Variants in ADK observed in about 807,000 individuals in gnomAD.
ADK encodes the protein N6,N6-dimethyladenosine kinase.
In ADK, 24 loss-of-function variants were observed where a neutral mutation model predicts 44.7. That is an observed-to-expected ratio of 0.54 (90% CI 0.39 to 0.76). ADK has a LOEUF of 0.76. Among genes scored for constraint, ADK ranks in the 30% least tolerant of loss-of-function variants. ADK has a pLI of 0.00. For synonymous variants in ADK, 128 were observed against 142.6 expected (o/e 0.90, Z 0.73); for missense variants, 321 against 425.1 (o/e 0.76, Z 2.15).
chr10:74,245,600 T>G (rs909011538), intron 3 of ADK, among the ~76,000 whole-genome samples: 9 of 150,974 alleles, frequency 6.0e-5, no homozygotes, highest in Non-Finnish European at 7.4e-5. Flanking sequence ...TTTTGTTTTT[T>G]TTTTTTTTGA....
At chr10:74,161,599 T>C (rs1841899994) in intron 1 of ADK, among the ~76,000 whole-genome samples, 1 of 151,964 alleles carries the variant, frequency 6.6e-6, no homozygotes, top group African/African-American at 2.4e-5. Flanking sequence ...TATGCCTGTC[T>C]TGAACTCCTG....
At chr10:74,571,060 C>G (rs1221671807) in intron 7 of ADK, among the ~76,000 whole-genome samples, 4 of 152,124 alleles carry the variant, frequency 2.6e-5, no homozygotes, top group African/African-American at 4.8e-5. Flanking sequence ...TGGTTTTTGT[C>G]TTTGGTTCTG....
chr10:74,349,786 G>C (rs1004496972), intron 4 of ADK, among the ~76,000 whole-genome samples: 2 of 151,874 alleles, frequency 1.3e-5, no homozygotes, highest in Non-Finnish European at 2.9e-5. Context: ...GATAAAACAG[G>C]CTTTAAACTA....
chr10:74,375,414 A>G (rs1842786349), intron 4 of ADK, among the ~76,000 whole-genome samples: 1 of 152,156 alleles, frequency 6.6e-6, no homozygotes, highest in Non-Finnish European at 1.5e-5. Context: ...TGTTTATATC[A>G]TTGCCCTTTA....
chr10:74,294,970 C>T (rs1190965605), intron 3 of ADK, among the ~76,000 whole-genome samples: 1 of 152,096 alleles, frequency 6.6e-6, no homozygotes, highest in East Asian at 2.0e-4. Flanking sequence ...ATTCTCCCAC[C>T]TCAGCCTCCT....
chr10:74,238,604 G>A (rs78688615), intron 3 of ADK, among the ~76,000 whole-genome samples: 1,979 of 152,256 alleles, frequency 0.013, 47 homozygotes, highest in African/African-American at 0.045. Context: ...AAAATTGAGT[G>A]AATATATTTT....
intron 8 of ADK, among the ~76,000 whole-genome samples, chr10:74,596,117 A>G (rs972874620): frequency 6.6e-6 from 1 of 152,138 alleles, no homozygotes; most frequent in Non-Finnish European, 1.5e-5. Flanking sequence ...GTGGTAGGAA[A>G]ATGGTTTAGG....
At position 74,533,615 on chromosome 10, in the gene ADK, C is replaced by T. The variant is rs193259458; in HGVS notation, c.726+8189C>T. ...TCAACCCACGTAACAAACAACTGCACGGCTATTAGAATGTCTGAAAGTGTG... is the reference window on the plus strand; with the variant it reads ...TCAACCCACGTAACAAACAACTGCATGGCTATTAGAATGTCTGAAAGTGTG... On this transcript the variant is annotated intron_variant, in intron 7 of 10. Transcript: ENST00000539909. Among the ~76,000 whole-genome samples the T allele has an allele frequency of 1.1e-3, 170 of 152,260 alleles. 1 individual carries two copies. Among genetic ancestry groups the T allele is most frequent in the African/African-American group, 3.9e-3 (160 of 41,544 alleles).
At chr10:74,587,513 C>T (rs1851569037) in intron 7 of ADK, among the ~76,000 whole-genome samples, 1 of 152,096 alleles carries the variant, frequency 6.6e-6, no homozygotes, top group African/African-American at 2.4e-5. Flanking sequence ...TACATTGGAC[C>T]ATAGGTGCAT....
At chr10:74,298,124 T>C (rs1003400774) in intron 3 of ADK, among the ~76,000 whole-genome samples, 4 of 152,196 alleles carry the variant, frequency 2.6e-5, no homozygotes, top group Non-Finnish European at 5.9e-5. Context: ...TCTAAAGAAA[T>C]AGAATATATA....
chr10:74,706,261 G>A (rs924029115), intron 10 of ADK, among the ~76,000 whole-genome samples: 1 of 152,170 alleles, frequency 6.6e-6, no homozygotes, highest in Non-Finnish European at 1.5e-5. Flanking sequence ...CAGCCTGGGT[G>A]ATAGTGAGAC....
At chr10:74,161,549 A>G (rs761447619) in intron 1 of ADK, among the ~76,000 whole-genome samples, 7 of 150,340 alleles carry the variant, frequency 4.7e-5, no homozygotes, top group East Asian at 2.0e-4. Flanking sequence ...TTTTGTTTTT[A>G]GAGACAGGGT....
At chr10:74,206,483 A>T (rs1293257533) in intron 2 of ADK, among the ~76,000 whole-genome samples, 1 of 152,224 alleles carries the variant, frequency 6.6e-6, no homozygotes, top group South Asian at 2.1e-4. Flanking sequence ...TCAGATGACA[A>T]CAGGCAGTTT....
At chr10:74,621,612 A>G (rs1427054811) in intron 9 of ADK, among the ~76,000 whole-genome samples, 1 of 152,062 alleles carries the variant, frequency 6.6e-6, no homozygotes, top group Non-Finnish European at 1.5e-5. Flanking sequence ...GAAGAATGTC[A>G]TTCGTATTTT....
chr10:74,285,275 G>A (rs1014754922), intron 3 of ADK, among the ~76,000 whole-genome samples: 5 of 152,180 alleles, frequency 3.3e-5, no homozygotes, highest in African/African-American at 1.2e-4. Context: ...AGTATTTAAA[G>A]ACAAGTAGGA....
At chr10:74,237,305 A>C (rs1182349302) in intron 3 of ADK, among the ~76,000 whole-genome samples, 1 of 152,148 alleles carries the variant, frequency 6.6e-6, no homozygotes, top group South Asian at 2.1e-4. Flanking sequence ...TTTTTTGCTC[A>C]TCTATAAGAA....
chr10:74,701,642 A>G (rs1397738969), intron 10 of ADK, among the ~76,000 whole-genome samples: 1 of 152,202 alleles, frequency 6.6e-6, no homozygotes, highest in African/African-American at 2.4e-5. Context: ...ATTATAAACC[A>G]TTGATTTAAA....
At chr10:74,614,432 A>C (rs898038789) in intron 9 of ADK, among the ~76,000 whole-genome samples, 1 of 152,172 alleles carries the variant, frequency 6.6e-6, no homozygotes, top group Non-Finnish European at 1.5e-5. Context: ...GTATTGAAGT[A>C]TAATGTGCAT....
chr10:74,683,284 A>G (rs561386745), intron 10 of ADK, among the ~76,000 whole-genome samples: 1 of 152,316 alleles, frequency 6.6e-6, no homozygotes, highest in East Asian at 1.9e-4. Context: ...GCTTGCTCCT[A>G]ACAGGCAGCA....
Sources: allele counts gnomAD v4.1 joint callset (sites outside exome capture counted in the v4.1 genomes callset), GRCh38; gene constraint gnomAD v4.1.1; transcripts MANE v1.5; gene names NCBI Gene and HGNC (gene_info 2026-07-23, HGNC 2026-07-21).